Variants in TRPM3 observed in about 807,000 individuals in gnomAD.
TRPM3 encodes the protein long transient receptor potential channel 3.
TRPM3 carries 77 observed loss-of-function variants against 181.2 expected under a neutral mutation model. The ratio of observed to expected loss-of-function variants is 0.42; its 90% CI spans 0.35 to 0.51. The LOEUF (loss-of-function observed/expected upper bound fraction) is 0.51, where lower values mean the gene tolerates loss of function less well. Among genes scored for constraint, TRPM3 ranks in the 20% least tolerant of loss-of-function variants. The probability of loss-of-function intolerance (pLI) is 0.01; values close to 1 mark genes in which losing one functional copy is unlikely to be tolerated. For missense variants in TRPM3, 1,759 were observed against 2,196.7 expected (o/e 0.80, Z 3.98); for synonymous variants, 745 against 796.4 (o/e 0.94, Z 1.09).
chr9:70,560,209 A>G (rs2048724402), intron 22 of TRPM3, among the ~76,000 whole-genome samples: 1 of 152,222 alleles, frequency 6.6e-6, no homozygotes, highest in Non-Finnish European at 1.5e-5. Context: ...TGCCTTACCA[A>G]AGACCACACA....
Position 70,625,347 on chromosome 9 carries a change from GAAAC to G in TRPM3, c.1669-20_1669-17del, listed in dbSNP as rs1253419600. Reference sequence around the variant, plus strand: ...GCAGGTTCCCCTATCAGGGTAGAATGAAACAAACAGACAAATCCAAAAGACAACG... The same window carrying G: ...GCAGGTTCCCCTATCAGGGTAGAATGAAACAGACAAATCCAAAAGACAACG... On this transcript the variant is annotated splice_polypyrimidine_tract_variant and intron_variant, in intron 13 of 25. Transcript: ENST00000677713. This position sits in a 1 kb window ranked among gnomAD's most constrained non-coding sequence, Gnocchi z 4.8. The G allele has an allele frequency of 1.2e-6, 2 of 1,613,412 alleles. No homozygotes were observed. Among genetic ancestry groups the G allele is most frequent in the Non-Finnish European group, 8.5e-7 (1 of 1,179,748 alleles).
At chr9:70,840,956 A>T (rs1258034763) in intron 5 of TRPM3, among the ~76,000 whole-genome samples, 2 of 152,158 alleles carry the variant, frequency 1.3e-5, no homozygotes, top group Admixed American at 1.3e-4. Context: ...TAATAGTTTG[A>T]GTTTACAGGA....
chr9:71,396,302 TAAAAAA>T (rs11460801), intron 1 of TRPM3, among the ~76,000 whole-genome samples: 9 of 141,322 alleles, frequency 6.4e-5, no homozygotes, highest in Middle Eastern at 3.8e-3. Flanking sequence ...GTGCTATTGC[TAAAAAA>T]AAAAAAAAAA....
intron 1 of TRPM3, among the ~76,000 whole-genome samples, chr9:70,991,645 T>G (rs778676034): frequency 4.0e-5 from 6 of 149,346 alleles, no homozygotes; most frequent in Non-Finnish European, 8.9e-5. Flanking sequence ...TAAGAAATTC[T>G]GTCTAGAAAG....
intron 19 of TRPM3, among the ~76,000 whole-genome samples, chr9:70,605,701 T>C (rs969843655): frequency 6.6e-6 from 1 of 152,172 alleles, no homozygotes; most frequent in Non-Finnish European, 1.5e-5. Context: ...ACTTTAGTGG[T>C]TAAAACTCTA....
chr9:70,588,348 G>C (rs749060010), intron 22 of TRPM3, among the ~76,000 whole-genome samples: 2 of 152,152 alleles, frequency 1.3e-5, no homozygotes, highest in East Asian at 1.9e-4. Flanking sequence ...CTCTTCTGAG[G>C]TGTATGATTG....
intron 6 of TRPM3, chr9:70,811,076 A>G (rs1024963283): frequency 1.4e-5 from 14 of 974,056 alleles, no homozygotes; most frequent in Non-Finnish European, 1.7e-5. Flanking sequence ...ATAGGGAGTG[A>G]TACTGTTAGG....
chr9:71,107,897 TTTC>T (rs2070089835), intron 1 of TRPM3, among the ~76,000 whole-genome samples: 1 of 152,202 alleles, frequency 6.6e-6, no homozygotes, highest in South Asian at 2.1e-4. Flanking sequence ...TGCTATTTTC[TTTC>T]TTTTTTCAAG....
At chr9:71,395,649 C>G (rs1359121243) in intron 1 of TRPM3, among the ~76,000 whole-genome samples, 2 of 152,182 alleles carry the variant, frequency 1.3e-5, no homozygotes, top group African/African-American at 4.8e-5. Flanking sequence ...ATTAATTAAG[C>G]TTGTTTCAAT....
chr9:70,804,736 C>T (rs936941323), intron 6 of TRPM3, among the ~76,000 whole-genome samples: 6 of 152,036 alleles, frequency 3.9e-5, no homozygotes, highest in African/African-American at 1.4e-4. Context: ...GTCTTCCCCA[C>T]GACTCTATTT....
At chr9:70,806,211 TG>T (rs2090635582) in intron 6 of TRPM3, among the ~76,000 whole-genome samples, 1 of 152,096 alleles carries the variant, frequency 6.6e-6, no homozygotes, top group Non-Finnish European at 1.5e-5. Flanking sequence ...CTTTGAAACC[TG>T]GCCTCCAACA....
At chr9:70,819,181 C>CATATG (rs2092955430) in intron 6 of TRPM3, among the ~76,000 whole-genome samples, 1 of 152,098 alleles carries the variant, frequency 6.6e-6, no homozygotes, top group Non-Finnish European at 1.5e-5. Flanking sequence ...GTGAGACTGT[C>CATATG]CTGCATATTG....
At chr9:70,588,652 G>A (rs996016141) in intron 22 of TRPM3, among the ~76,000 whole-genome samples, 1 of 152,152 alleles carries the variant, frequency 6.6e-6, no homozygotes, top group African/African-American at 2.4e-5. Context: ...CTGAAAACAT[G>A]CTTCACAAAC....
chr9:71,336,499 T>A (rs2132573974), intron 1 of TRPM3, among the ~76,000 whole-genome samples: 1 of 152,202 alleles, frequency 6.6e-6, no homozygotes, highest in Admixed American at 6.5e-5. Flanking sequence ...GATAGAAGAA[T>A]CAATATCATG....
At chr9:70,685,313 A>G (rs1389052211) in intron 8 of TRPM3, among the ~76,000 whole-genome samples, 1 of 152,188 alleles carries the variant, frequency 6.6e-6, no homozygotes, top group Non-Finnish European at 1.5e-5. Context: ...ATCCAGAATT[A>G]TATGGCAATG....
chr9:71,137,229 A>T (rs1039750063), intron 1 of TRPM3, among the ~76,000 whole-genome samples: 5 of 152,212 alleles, frequency 3.3e-5, no homozygotes, highest in Non-Finnish European at 7.3e-5. Context: ...CCGACAAAGA[A>T]AAAGGTACTT....
At chr9:71,164,041 T>A (rs914336361) in intron 1 of TRPM3, among the ~76,000 whole-genome samples, 1 of 152,094 alleles carries the variant, frequency 6.6e-6, no homozygotes, top group Non-Finnish European at 1.5e-5. Context: ...AAGCAACAGA[T>A]GCTAATGAGC....
intron 22 of TRPM3, among the ~76,000 whole-genome samples, chr9:70,562,651 G>A: frequency 6.6e-6 from 1 of 150,774 alleles, no homozygotes; most frequent in East Asian, 2.0e-4. Context: ...AGCGTCCTGG[G>A]GGAGAAGTGG....
intron 1 of TRPM3, chr9:70,917,572 T>TTTTTTTTTTTTTTTTTTTTTTTTTGAGA (rs1554769125): frequency 1.7e-6 from 1 of 592,318 alleles, no homozygotes; most frequent in Non-Finnish European, 3.1e-6. Flanking sequence ...AGTTGTTATA[T>TTTTTTTTTTTTTTTTTTTTTTTTTGAGA]CAACTTAAAA....
Sources: allele counts gnomAD v4.1 joint callset (sites outside exome capture counted in the v4.1 genomes callset), GRCh38; gene constraint gnomAD v4.1.1; non-coding constraint Gnocchi (gnomAD v3.1); transcripts MANE v1.5; gene names NCBI Gene and HGNC (gene_info 2026-07-23, HGNC 2026-07-21).